GRM1: variants seen among roughly 807,000 people sequenced by gnomAD.
The protein encoded by GRM1 is glutamate metabotropic receptor 1, also known as metabotropic glutamate receptor 1.
GRM1 carries 33 observed loss-of-function variants against 90.9 expected under a neutral mutation model. The ratio of observed to expected loss-of-function variants is 0.36; its 90% CI spans 0.28 to 0.49. The LOEUF (loss-of-function observed/expected upper bound fraction) is 0.49. Among genes scored for constraint, GRM1 ranks in the 20% least tolerant of loss-of-function variants. GRM1 has a pLI of 0.99. For missense variants in GRM1, 1,190 were observed against 1,534.3 expected (o/e 0.78, Z 3.75); for synonymous variants, 700 against 613.2 (o/e 1.14, Z -2.09).
intron 1 of GRM1, among the ~76,000 whole-genome samples, chr6:146,078,150 C>A (rs1188485509): frequency 6.6e-6 from 1 of 152,164 alleles, no homozygotes; most frequent in Admixed American, 6.5e-5. Context: ...GCATTGTCAG[C>A]AGAATTTTCA....
chr6:146,148,034 T>C (rs968689750), intron 1 of GRM1, among the ~76,000 whole-genome samples: 12 of 152,218 alleles, frequency 7.9e-5, no homozygotes, highest in African/African-American at 2.7e-4. Context: ...AAGTGGCACA[T>C]AGCCTATGGC....
intron 3 of GRM1, among the ~76,000 whole-genome samples, chr6:146,324,918 T>G (rs1420659016): frequency 1.3e-5 from 2 of 152,194 alleles, no homozygotes; most frequent in East Asian, 3.9e-4. Flanking sequence ...AAATTTTAAC[T>G]GTCAAAATTA....
rs182853090 is a variant in GRM1, at chr6:146,414,866, A to T, written c.2660+15167A>T. Among the ~76,000 whole-genome samples the T allele has an allele frequency of 1.9e-3, 295 of 152,288 alleles. 2 individuals are homozygous for T. The highest frequency in any genetic ancestry group is 0.014 in the South Asian group (68 of 4,824). ...TCCAATTGATAAATTTTCCTTTTAC[A>T]GTTAGTGCATAGTTCAGTGCAGAAA... On this transcript the variant is annotated intron_variant, in intron 7 of 7. Coordinates refer to ENST00000282753, the MANE Select transcript of GRM1 (RefSeq NM_001278064.2).
At chr6:146,328,731 C>G (rs1209313437) in intron 3 of GRM1, among the ~76,000 whole-genome samples, 1 of 152,202 alleles carries the variant, frequency 6.6e-6, no homozygotes, top group East Asian at 1.9e-4. Context: ...GTATTTCTTT[C>G]TGTTCTTTTG....
chr6:146,292,150 T>A (rs995845735), intron 2 of GRM1, among the ~76,000 whole-genome samples: 17 of 151,926 alleles, frequency 1.1e-4, no homozygotes, highest in Non-Finnish European at 2.4e-4. Flanking sequence ...CAAAAATTAA[T>A]TCAGTATAAC....
At position 146,397,474 on chromosome 6, in the gene GRM1, AAAAAAAAAAG is replaced by A. The variant is rs1320285091; in HGVS notation, c.1730-1285_1730-1276del. On this transcript the variant is annotated intron_variant, in intron 6 of 7. Coordinates refer to ENST00000282753, the MANE Select transcript of GRM1 (RefSeq NM_001278064.2). ...GGGCAACAGAGTGAGACCCCGTCTC[AAAAAAAAAAG>A]AAAAAAAAAAAAAAAAAAAAAGCAC... Among the ~76,000 whole-genome samples the A allele has an allele frequency of 1.8e-3, 234 of 130,544 alleles. 7 individuals carry two copies. The highest frequency in any genetic ancestry group is 8.1e-3 in the African/African-American group (223 of 27,622). 85.6% of individuals were successfully genotyped at this position (130,544 alleles called of 152,430 possible).
At chr6:146,283,988 T>C (rs1208021101) in intron 2 of GRM1, among the ~76,000 whole-genome samples, 3 of 152,252 alleles carry the variant, frequency 2.0e-5, no homozygotes, top group African/African-American at 7.2e-5. Flanking sequence ...GTTTTGGCAA[T>C]TCATGGTTTT....
intron 1 of GRM1, among the ~76,000 whole-genome samples, chr6:146,107,945 A>G (rs1775383407): frequency 6.6e-6 from 1 of 152,190 alleles, no homozygotes; most frequent in South Asian, 2.1e-4. Flanking sequence ...GTTTTCTACT[A>G]TCTATCTCCA....
intron 2 of GRM1, among the ~76,000 whole-genome samples, chr6:146,195,402 C>G (rs1779081774): frequency 6.6e-6 from 1 of 152,178 alleles, no homozygotes; most frequent in Non-Finnish European, 1.5e-5. Context: ...CTCCTCAGAC[C>G]CGCCGTTCAG....
chr6:146,312,110 G>C (rs1011486909), intron 3 of GRM1, among the ~76,000 whole-genome samples: 6 of 151,884 alleles, frequency 4.0e-5, no homozygotes, highest in South Asian at 2.1e-4. Context: ...GGGAGGCCGA[G>C]GTGGGCGGAT....
At position 146,373,989 on chromosome 6, in the gene GRM1, A is replaced by G. The variant is rs999041876; in HGVS notation, c.1603-12901A>G. On this transcript the variant is annotated intron_variant, in intron 5 of 7. Coordinates refer to ENST00000282753, the MANE Select transcript of GRM1 (RefSeq NM_001278064.2). ...GTTTTCCCCCATTCAGTATGATACT[A>G]TCTGTGGGTCTGTAATACATGGCTT... is the stretch of plus-strand genomic sequence containing the variant. Among the ~76,000 whole-genome samples the G allele has an allele frequency of 9.9e-5, 15 of 152,274 alleles. No homozygotes were observed. In the East Asian group the frequency reaches 2.3e-3, roughly 24 times the overall value.
chr6:146,168,045 A>G (rs548864644), intron 2 of GRM1, among the ~76,000 whole-genome samples: 120 of 152,094 alleles, frequency 7.9e-4, no homozygotes, highest in African/African-American at 2.7e-3. Flanking sequence ...ATTTTTGTAT[A>G]TGTTGTGACA....
chr6:146,147,327 T>A (rs139063692), intron 1 of GRM1, among the ~76,000 whole-genome samples: 1 of 152,324 alleles, frequency 6.6e-6, no homozygotes, highest in East Asian at 1.9e-4. Flanking sequence ...TCCGACAGTA[T>A]CTGGGCAAGT....
chr6:146,411,676 G>A (rs1344784788), intron 7 of GRM1, among the ~76,000 whole-genome samples: 1 of 152,164 alleles, frequency 6.6e-6, no homozygotes, highest in Non-Finnish European at 1.5e-5. Flanking sequence ...CTGACCTGTG[G>A]CTTTGACAGG....
At chr6:146,386,505 T>A (rs986435613) in intron 5 of GRM1, among the ~76,000 whole-genome samples, 1 of 152,060 alleles carries the variant, frequency 6.6e-6, no homozygotes, top group Non-Finnish European at 1.5e-5. Flanking sequence ...ATTACAGACT[T>A]TTTTAGTAAA....
chr6:146,412,068 T>A (rs1470623190), intron 7 of GRM1, among the ~76,000 whole-genome samples: 1 of 152,142 alleles, frequency 6.6e-6, no homozygotes, highest in Non-Finnish European at 1.5e-5. Context: ...CTTGTAACCC[T>A]CCATCCCCTC....
chr6:146,430,596 T>C (rs1017736104), intron 7 of GRM1, among the ~76,000 whole-genome samples: 1 of 152,246 alleles, frequency 6.6e-6, no homozygotes, highest in Non-Finnish European at 1.5e-5. Flanking sequence ...TAAAGTTATC[T>C]GGGATTAAAT....
intron 2 of GRM1, among the ~76,000 whole-genome samples, chr6:146,297,530 T>C (rs1783221297): frequency 6.6e-6 from 1 of 152,156 alleles, no homozygotes; most frequent in Non-Finnish European, 1.5e-5. Context: ...CTTTGGATAC[T>C]TAGGATGAAT....
At chr6:146,159,166 G>A (rs1418702731) in intron 1 of GRM1, among the ~76,000 whole-genome samples, 182 bp from the exon 2 acceptor site, 1 of 152,138 alleles carries the variant, frequency 6.6e-6, no homozygotes, top group African/African-American at 2.4e-5. Context: ...AGAGTTGATT[G>A]TCTGGTTACA....
Sources: allele counts gnomAD v4.1 joint callset (sites outside exome capture counted in the v4.1 genomes callset), GRCh38; gene constraint gnomAD v4.1.1; transcripts MANE v1.5; gene names NCBI Gene and HGNC (gene_info 2026-07-23, HGNC 2026-07-21).